The following CDK5RAP2 variants were observed in gnomAD, a reference collection of about 807,000 sequenced individuals.
CDK5RAP2 encodes CDK5 regulatory subunit-associated protein 2.
CDK5RAP2 carries 147 observed loss-of-function variants against 232.9 expected under a neutral mutation model. The observed-to-expected ratio is 0.63, with a 90% CI of 0.55 to 0.72. CDK5RAP2 has a LOEUF of 0.72. Ranked by LOEUF, CDK5RAP2 falls within the 30% of genes least tolerant of loss-of-function variation. The pLI is 0.00. For missense variants in CDK5RAP2, 2,195 were observed against 2,231.5 expected, an observed-to-expected ratio of 0.98 and a Z score of 0.33; for synonymous variants, 833 against 833.7, an observed-to-expected ratio of 1.00 and a Z score of 0.01.
At chr9:120,431,307 A>G (rs2035273937) in intron 25 of CDK5RAP2, among the ~76,000 whole-genome samples, 1 of 152,170 alleles carries the variant, frequency 6.6e-6, no homozygotes, top group Non-Finnish European at 1.5e-5. Context: ...CCAATTTGAT[A>G]GGAGTGTGAA....
At chr9:120,522,648 G>A (rs761176335) in intron 11 of CDK5RAP2, among the ~76,000 whole-genome samples, 31 of 152,138 alleles carry the variant, frequency 2.0e-4, no homozygotes, top group Non-Finnish European at 3.4e-4. Context: ...TTTAAAATGA[G>A]TATGGAGGTA....
At chr9:120,483,672 G>A (rs2038443806) in intron 14 of CDK5RAP2, among the ~76,000 whole-genome samples, 1 of 152,214 alleles carries the variant, frequency 6.6e-6, no homozygotes, top group African/African-American at 2.4e-5. Flanking sequence ...CCACTTCACA[G>A]ATTAGGAAAG....
intron 4 of CDK5RAP2, among the ~76,000 whole-genome samples, chr9:120,550,396 TC>T (rs2042002732): frequency 6.6e-6 from 1 of 152,328 alleles, no homozygotes; most frequent in South Asian, 2.1e-4. Flanking sequence ...AAAGGGATTA[TC>T]ACTTAATTCT....
At chr9:120,436,459 T>G (rs1376866236) in intron 25 of CDK5RAP2, among the ~76,000 whole-genome samples, 1 of 152,232 alleles carries the variant, frequency 6.6e-6, no homozygotes, top group Non-Finnish European at 1.5e-5. Flanking sequence ...ATAAAAGACA[T>G]TATTGAATTA....
At position 120,400,952 on chromosome 9, in the gene CDK5RAP2, C is replaced by T. The variant is rs577422687; in HGVS notation, c.5308-67G>A. Reference sequence around the variant, plus strand: ...AAGATTTTAGACAAGCAAGCCTTAACATGCAGTATAAATCTCCAGACTGTA... The same window carrying T: ...AAGATTTTAGACAAGCAAGCCTTAATATGCAGTATAAATCTCCAGACTGTA... On this transcript the variant is annotated intron_variant, in intron 34 of 37. Coordinates refer to ENST00000349780, the MANE Select transcript of CDK5RAP2 (RefSeq NM_018249.6). 6.4e-6 allele frequency: 10 copies of T among 1,574,744 alleles called. No individual in the cohort carries two copies. In the African/African-American group the frequency reaches 8.1e-5, roughly 13 times the overall value.
At position 120,568,461 on chromosome 9, in the gene CDK5RAP2, A is replaced by G. The variant is rs2042727065; in HGVS notation, c.128-73T>C. Reference sequence around the variant, plus strand: ...CAGTGTTCCTATTGGGGAATAGAGCACAGAGAGGAAAACAACACGAACTGC... The same window carrying G: ...CAGTGTTCCTATTGGGGAATAGAGCGCAGAGAGGAAAACAACACGAACTGC... On this transcript the variant is annotated intron_variant, in intron 2 of 37. Transcript: ENST00000349780. 7.5e-6 allele frequency: 8 copies of G among 1,069,342 alleles called. No homozygotes were observed. The South Asian group carries it at 1.0e-4, about 13-fold the overall frequency. The allele number at this position is 1,069,342 out of a possible 1,614,324, so 66.2% of individuals were successfully genotyped here. A position where few individuals can be genotyped will look rare whatever the true frequency, so the allele number is the denominator to read the frequency against.
chr9:120,573,512 G>A (rs1294818252), intron 1 of CDK5RAP2, among the ~76,000 whole-genome samples: 1 of 150,044 alleles, frequency 6.7e-6, no homozygotes, highest in African/African-American at 2.5e-5. Flanking sequence ...TCATGCCACT[G>A]CACTCAAGCC....
chr9:120,549,422 C>T (rs1210906376), intron 4 of CDK5RAP2, among the ~76,000 whole-genome samples: 1 of 152,074 alleles, frequency 6.6e-6, no homozygotes, highest in Non-Finnish European at 1.5e-5. Context: ...TGCACCTATC[C>T]AAAAACTTAC....
chr9:120,513,059 TGA>T (rs1181110761), intron 12 of CDK5RAP2, among the ~76,000 whole-genome samples: 1 of 152,144 alleles, frequency 6.6e-6, no homozygotes, highest in Non-Finnish European at 1.5e-5. Flanking sequence ...TGAGTAAACA[TGA>T]GAGGGACCCA....
Position 120,419,842 on chromosome 9 carries a change from T to C in CDK5RAP2, c.4123A>G (p.Lys1375Glu). 1 of 1,614,020 alleles carries C rather than the reference T, an allele frequency of 6.2e-7. No individual in the cohort carries two copies. The highest frequency in any genetic ancestry group is 8.5e-7 in the Non-Finnish European group (1 of 1,179,862). Residue 1375 changes from lysine (K) to glutamate (E), a missense_variant, in exon 27 of 38, where the codon AAG becomes GAG. Transcript: ENST00000349780. ...GTCTTCTCTGTCTCATTATCTTGCT[T>C]CTGGTCTCGTGAGAAGAAGGACTTT... ...SEKSFFSRDQ[K>E]QDNETEKTSV... is the part of the protein sequence containing the mutation.
At chr9:120,430,686 T>C (rs1343717830) in intron 25 of CDK5RAP2, among the ~76,000 whole-genome samples, 1 of 150,838 alleles carries the variant, frequency 6.6e-6, no homozygotes, top group Non-Finnish European at 1.5e-5. Context: ...AGTTCAACCA[T>C]TGTGGAAGTC....
chr9:120,576,911 A>G (rs1427823217), intron 1 of CDK5RAP2, among the ~76,000 whole-genome samples: 1 of 152,234 alleles, frequency 6.6e-6, no homozygotes, highest in African/African-American at 2.4e-5. Context: ...CTGTCTCTAA[A>G]AAAAATTAAA....
intron 11 of CDK5RAP2, among the ~76,000 whole-genome samples, chr9:120,521,297 A>T (rs1041191443): frequency 1.3e-5 from 2 of 152,210 alleles, no homozygotes; most frequent in Admixed American, 6.5e-5. Flanking sequence ...CAACGCACAA[A>T]CAGGCTGGAA....
At chr9:120,566,075 T>C (rs2042636809) in intron 3 of CDK5RAP2, among the ~76,000 whole-genome samples, 1 of 152,226 alleles carries the variant, frequency 6.6e-6, no homozygotes, top group African/African-American at 2.4e-5. Context: ...GAGACTAGAA[T>C]AGGACGAATC....
intron 12 of CDK5RAP2, among the ~76,000 whole-genome samples, chr9:120,505,182 T>C (rs906448949): frequency 6.6e-6 from 1 of 152,234 alleles, no homozygotes; most frequent in Non-Finnish European, 1.5e-5. Flanking sequence ...TCCAACAGCA[T>C]GTGTTCATTT....
chr9:120,527,548 T>G (rs1269481396), intron 10 of CDK5RAP2, among the ~76,000 whole-genome samples: 1 of 152,052 alleles, frequency 6.6e-6, no homozygotes, highest in Non-Finnish European at 1.5e-5. Flanking sequence ...TTAATTTCAC[T>G]TGTTTCTTTT....
rs570323909 is a variant in CDK5RAP2, at chr9:120,528,832, C to A, written c.826-35G>T. On this transcript the variant is annotated intron_variant, in intron 8 of 37. Coordinates refer to ENST00000349780, the MANE Select transcript of CDK5RAP2 (RefSeq NM_018249.6). ...GGCATTAATTGGTGTGAAGAAGGGA[C>A]GTGCAATCCAACAGCTTCTCCAGAA... 7.5e-6 allele frequency: 11 copies of A among 1,474,070 alleles called. No individual in the cohort carries two copies. The South Asian group carries it at 9.1e-5, about 12-fold the overall frequency. 91.3% of individuals were successfully genotyped at this position (1,474,070 alleles called of 1,614,324 possible).
rs757877916 is a variant in CDK5RAP2, at chr9:120,439,479, C to T, written c.3642G>A (p.Gln1214=). The change falls in exon 24 of 38, where the codon CAG becomes CAA. Residue 1214 remains glutamine (Q), a synonymous_variant. Coordinates refer to ENST00000349780, the MANE Select transcript of CDK5RAP2 (RefSeq NM_018249.6). Reference sequence around the variant, plus strand: ...GTTGCATGTTCAAATTCTGCTCCTTCTGCAGCTTGTATTCCTGTTCCTCCA... The same window carrying T: ...GTTGCATGTTCAAATTCTGCTCCTTTTGCAGCTTGTATTCCTGTTCCTCCA... ...QQLEEQEYKL[Q]KEQNLNMQLF... 1 of 1,614,252 alleles carries T rather than the reference C, an allele frequency of 6.2e-7. No individual in the cohort carries two copies. Among genetic ancestry groups the T allele is most frequent in the South Asian group, 1.1e-5 (1 of 91,090 alleles).
intron 12 of CDK5RAP2, among the ~76,000 whole-genome samples, chr9:120,500,167 G>A (rs187588724): frequency 5.0e-4 from 76 of 152,238 alleles, no homozygotes; most frequent in African/African-American, 1.8e-3. Context: ...CCACATGATC[G>A]TTATGCTGAC....
Sources: gnomAD v4.1 joint callset for allele counts (sites outside exome capture counted in the v4.1 genomes callset) on GRCh38, gnomAD v4.1.1 for gene constraint, MANE v1.5 for transcripts, NCBI Gene and HGNC (gene_info 2026-07-23, HGNC 2026-07-21) for gene names.